EXOC6B: variants seen among roughly 807,000 people sequenced by gnomAD.
EXOC6B encodes the protein exocyst complex component 6B.
EXOC6B carries 54 observed loss-of-function variants against 113.5 expected under a neutral mutation model. The observed-to-expected ratio is 0.48, with a 90% CI of 0.38 to 0.60. EXOC6B has a LOEUF of 0.60. Ranked by LOEUF, EXOC6B falls within the 20% of genes least tolerant of loss-of-function variation. The pLI, the probability that EXOC6B is intolerant of heterozygous loss-of-function variation, is 0.00. For missense variants in EXOC6B, 797 were observed against 977.5 expected (o/e 0.82, Z 2.46); for synonymous variants, 357 against 339.0 (o/e 1.05, Z -0.58).
At chr2:72,763,583 C>T (rs1422082500) in intron 1 of EXOC6B, among the ~76,000 whole-genome samples, 2 of 151,830 alleles carry the variant, frequency 1.3e-5, no homozygotes, top group Admixed American at 6.6e-5. Flanking sequence ...CCACCACACC[C>T]GGGTAATTTT....
intron 20 of EXOC6B, among the ~76,000 whole-genome samples, chr2:72,229,406 C>A (rs913732846): frequency 1.3e-5 from 2 of 152,162 alleles, no homozygotes; most frequent in Non-Finnish European, 2.9e-5. Flanking sequence ...TTGAGCAAAG[C>A]AGGGTCATGT....
At chr2:72,517,421 A>G (rs1701272703) in intron 8 of EXOC6B, among the ~76,000 whole-genome samples, 1 of 152,186 alleles carries the variant, frequency 6.6e-6, no homozygotes. Flanking sequence ...AAAGTTCTAA[A>G]GTGATTATAA....
At chr2:72,416,610 G>A (rs770691742) in intron 18 of EXOC6B, among the ~76,000 whole-genome samples, 1 of 152,144 alleles carries the variant, frequency 6.6e-6, no homozygotes, top group African/African-American at 2.4e-5. Flanking sequence ...TCTTTAATTG[G>A]GTCCTGGTTC....
chr2:72,320,033 C>T (rs1042052726), intron 20 of EXOC6B, among the ~76,000 whole-genome samples: 1 of 151,936 alleles, frequency 6.6e-6, no homozygotes, highest in Non-Finnish European at 1.5e-5. Context: ...GATAGGGTTT[C>T]ACCATGTTGG....
chr2:72,490,214 T>C (rs1465529287), intron 16 of EXOC6B, among the ~76,000 whole-genome samples: 1 of 152,168 alleles, frequency 6.6e-6, no homozygotes, highest in East Asian at 1.9e-4. Flanking sequence ...TAGAAGTGGA[T>C]AGGTTTGGGG....
chr2:72,271,791 T>C (rs17725024), intron 20 of EXOC6B, among the ~76,000 whole-genome samples: 18,444 of 152,066 alleles, frequency 0.12, 1,384 homozygotes, highest in Admixed American at 0.16. Flanking sequence ...ACCTATATTT[T>C]GCCTTGGTCC....
In EXOC6B at chr2:72,455,953, A is replaced by AT. The variant is rs539974275; in HGVS notation, c.1980+9206dup. On this transcript the variant is annotated intron_variant, in intron 18 of 21. Coordinates refer to ENST00000272427, the MANE Select transcript of EXOC6B (RefSeq NM_015189.3). The stretch of plus-strand genomic sequence containing the variant: ...GACAGCTTGATATAGTGAAAAGAAC[A>AT]TGACACAAGGAAAAATGACCTAGGA... 4.4e-4 allele frequency among the ~76,000 whole-genome samples: 67 copies of AT among 152,228 alleles called. No individual in the cohort carries two copies. In the East Asian group the frequency reaches 0.012, roughly 26 times the overall value.
At chr2:72,508,184 A>AAAAAAAC (rs923877882) in intron 11 of EXOC6B, among the ~76,000 whole-genome samples, 13 of 89,100 alleles carry the variant, frequency 1.5e-4, no homozygotes, top group African/African-American at 6.7e-4. Flanking sequence ...AAAAAAAAAA[A>AAAAAAAC]ACACCTAAAA....
chr2:72,548,534 T>A (rs144206830), intron 8 of EXOC6B, among the ~76,000 whole-genome samples: 2 of 152,178 alleles, frequency 1.3e-5, no homozygotes, highest in Non-Finnish European at 2.9e-5. Context: ...GATCCTTCCG[T>A]TGGACACCAA....
At chr2:72,471,852 G>T (rs1698432455) in intron 17 of EXOC6B, among the ~76,000 whole-genome samples, 1 of 152,168 alleles carries the variant, frequency 6.6e-6, no homozygotes, top group South Asian at 2.1e-4. Flanking sequence ...GGTGTTAGTT[G>T]TGGGTCTGCT....
At chr2:72,179,526 C>T in intron 21 of EXOC6B, 65 bp from the exon 22 acceptor site, 1 of 1,593,416 alleles carries the variant, frequency 6.3e-7, no homozygotes, top group Non-Finnish European at 8.6e-7. Context: ...GGAGAACCTG[C>T]AGGAAGCAGG....
chr2:72,274,207 C>G (rs1045116492), intron 20 of EXOC6B, among the ~76,000 whole-genome samples: 1 of 152,146 alleles, frequency 6.6e-6, no homozygotes, highest in African/African-American at 2.4e-5. Context: ...TGAGGTCCTA[C>G]ACATTTAGAC....
chr2:72,358,410 C>T (rs1051362248), intron 19 of EXOC6B, among the ~76,000 whole-genome samples: 2 of 152,070 alleles, frequency 1.3e-5, no homozygotes, highest in African/African-American at 2.4e-5. Flanking sequence ...CATAGCTAGT[C>T]GTTGGCAAAA....
intron 6 of EXOC6B, among the ~76,000 whole-genome samples, chr2:72,668,518 G>C (rs1180002951): frequency 1.3e-5 from 2 of 151,722 alleles, no homozygotes; most frequent in African/African-American, 4.8e-5. Context: ...AGTCAACCTA[G>C]GTGCCCAACA....
At chr2:72,358,513 T>A (rs1484713792) in intron 19 of EXOC6B, among the ~76,000 whole-genome samples, 1 of 152,192 alleles carries the variant, frequency 6.6e-6, no homozygotes, top group African/African-American at 2.4e-5. Flanking sequence ...ATAGCAATTA[T>A]TCACTTAGTT....
chr2:72,542,282 T>TA (rs924495628), intron 8 of EXOC6B, among the ~76,000 whole-genome samples: 17 of 149,442 alleles, frequency 1.1e-4, no homozygotes, highest in South Asian at 4.2e-4. Flanking sequence ...GATTCTGAAG[T>TA]AAAAAAAAAA....
At chr2:72,589,133 T>C (rs1424052849) in intron 6 of EXOC6B, among the ~76,000 whole-genome samples, 1 of 33,876 alleles carries the variant, frequency 3.0e-5, no homozygotes, top group African/African-American at 8.4e-5. Flanking sequence ...TTTTACTCAC[T>C]TAAAAAATAA....
chr2:72,761,763 C>T (rs1429048418), intron 1 of EXOC6B, among the ~76,000 whole-genome samples: 2 of 151,846 alleles, frequency 1.3e-5, no homozygotes, highest in Admixed American at 6.6e-5. Flanking sequence ...TTTGAGGGTG[C>T]CCATACTATA....
chr2:72,776,289 A>G (rs1683696079), intron 1 of EXOC6B, among the ~76,000 whole-genome samples: 1 of 152,230 alleles, frequency 6.6e-6, no homozygotes, highest in African/African-American at 2.4e-5. Context: ...CAGAAGCCAC[A>G]AAGAAAAAGA....
Sources: gnomAD v4.1 joint callset for allele counts (sites outside exome capture counted in the v4.1 genomes callset) on GRCh38, gnomAD v4.1.1 for gene constraint, MANE v1.5 for transcripts, NCBI Gene and HGNC (gene_info 2026-07-23, HGNC 2026-07-21) for gene names.